CCSER2: variants seen among roughly 807,000 people sequenced by gnomAD.
The protein encoded by CCSER2 is coiled-coil serine rich protein 2, also known as serine-rich coiled-coil domain-containing protein 2.
In CCSER2, 46 loss-of-function variants were observed where a neutral mutation model predicts 92.3. That is an observed-to-expected ratio of 0.50 (90% confidence interval 0.39 to 0.64). The LOEUF (loss-of-function observed/expected upper bound fraction) is 0.64. Ranked by LOEUF, CCSER2 falls within the 30% of genes least tolerant of loss-of-function variation. CCSER2 has a pLI of 0.00. For missense variants in CCSER2, 1,244 were observed against 1,238.9 expected (o/e 1.00, Z -0.06); for synonymous variants, 433 against 431.4 (o/e 1.00, Z -0.04).
chr10:84,372,238 G>T lies in CCSER2; in HGVS notation c.1186G>T (p.Asp396Tyr), dbSNP rs1427110225. The change falls in exon 2 of 10, where the codon GAC (aspartate) becomes TAC (tyrosine). Residue 396 changes from aspartate to tyrosine, a missense_variant. By Grantham distance (160) the Asp-to-Tyr change is radical (BLOSUM62 -3). Coordinates refer to ENST00000372088, the MANE Select transcript of CCSER2 (RefSeq NM_001284240.2). ...GAGATACCTGAGTGATGATGTGGAT[G>T]ACATTTCCTTGTCGTCTTTGTCATC... ...KMRYLSDDVDDISLSSLSSSD... is the reference protein window; with the variant it reads ...KMRYLSDDVDYISLSSLSSSD... 2.5e-6 allele frequency: 4 copies of T among 1,613,260 alleles called. No individual in the cohort carries two copies. Among genetic ancestry groups the T allele is most frequent in the South Asian group, 2.2e-5 (2 of 91,004 alleles).
chr10:84,506,839 T>C (rs1268718376), intron 9 of CCSER2, among the ~76,000 whole-genome samples: 4 of 126,116 alleles, frequency 3.2e-5, no homozygotes, highest in Admixed American at 1.6e-4. Context: ...CTAACACTTA[T>C]TTAATCTTAT....
At chr10:84,500,293 T>C (rs957780124) in intron 9 of CCSER2, among the ~76,000 whole-genome samples, 2 of 152,238 alleles carry the variant, frequency 1.3e-5, no homozygotes, top group Non-Finnish European at 2.9e-5. Flanking sequence ...TGTTGTGTTA[T>C]CTAATTGTTT....
intron 3 of CCSER2, among the ~76,000 whole-genome samples, chr10:84,382,969 G>C (rs1183649882): frequency 6.6e-6 from 1 of 152,174 alleles, no homozygotes; most frequent in Non-Finnish European, 1.5e-5. Context: ...ACTAAGAGGA[G>C]AGCTGGCTAG....
At chr10:84,398,423 T>C (rs574750677) in intron 3 of CCSER2, among the ~76,000 whole-genome samples, 55 of 152,320 alleles carry the variant, frequency 3.6e-4, no homozygotes, top group Non-Finnish European at 6.2e-4. Flanking sequence ...ATCAGGAAAA[T>C]TATTTCATTT....
At chr10:84,510,246 ATTCTTCCC>A (rs1849281976) in intron 9 of CCSER2, among the ~76,000 whole-genome samples, 1 of 152,156 alleles carries the variant, frequency 6.6e-6, no homozygotes. Context: ...TACACAGAAT[ATTCTTCCC>A]TTCTTGTTTA....
chr10:84,411,571 T>A (rs911311971), intron 3 of CCSER2, among the ~76,000 whole-genome samples: 1 of 152,192 alleles, frequency 6.6e-6, no homozygotes, highest in African/African-American at 2.4e-5. Flanking sequence ...TTTGTGGCAG[T>A]TATGAATGGG....
Position 84,464,000 on chromosome 10 carries a change from G to A in CCSER2, c.2132G>A (p.Gly711Asp), listed in dbSNP as rs769050957. Residue 711 changes from glycine to aspartate, a missense_variant, in exon 7 of 10, where the codon GGT (glycine) becomes GAT (aspartate). Coordinates refer to ENST00000372088, the MANE Select transcript of CCSER2 (RefSeq NM_001284240.2). ...SLPSSPEPED[G>D]DKVYKNEDLL... ...CCATCCAGTCCAGAACCAGAAGATG[G>A]TGATAAAGTATATAAGGTATGACTA... 3 of 1,604,854 alleles carry A rather than the reference G, an allele frequency of 1.9e-6. No homozygotes were observed. Among genetic ancestry groups the A allele is most frequent in the Non-Finnish European group, 2.6e-6 (3 of 1,172,274 alleles).
Position 84,446,969 on chromosome 10 carries a change from A to G in CCSER2, c.2064+8262A>G, listed in dbSNP as rs78378751. Among the ~76,000 whole-genome samples the G allele has an allele frequency of 1.3e-3, 198 of 150,610 alleles. 1 individual carries two copies. In the East Asian group the frequency reaches 0.037, roughly 28 times the overall value. On this transcript the variant is annotated intron_variant, in intron 6 of 9. Coordinates refer to ENST00000372088, the MANE Select transcript of CCSER2 (RefSeq NM_001284240.2). Reference sequence around the variant, plus strand: ...CATTTCTCTATTGGTGCTCCAATCTATGAACGAAACATAATATCTTTGTCT... The same window carrying G: ...CATTTCTCTATTGGTGCTCCAATCTGTGAACGAAACATAATATCTTTGTCT...
intron 3 of CCSER2, among the ~76,000 whole-genome samples, chr10:84,413,921 G>A (rs144632925): frequency 4.6e-5 from 7 of 152,058 alleles, no homozygotes; most frequent in African/African-American, 1.7e-4. Flanking sequence ...TGTCTTTTTT[G>A]ATCTTTGTTG....
At chr10:84,488,405 C>T (rs1286463844) in intron 9 of CCSER2, among the ~76,000 whole-genome samples, 1 of 152,160 alleles carries the variant, frequency 6.6e-6, no homozygotes, top group Non-Finnish European at 1.5e-5. Flanking sequence ...TTAATTATTG[C>T]CTCAATTTCA....
intron 9 of CCSER2, among the ~76,000 whole-genome samples, chr10:84,488,408 C>A (rs1356048998): frequency 1.3e-5 from 2 of 152,184 alleles, no homozygotes; most frequent in African/African-American, 2.4e-5. Context: ...ATTATTGCCT[C>A]AATTTCAGAG....
chr10:84,442,933 T>A (rs1564668930), intron 6 of CCSER2, among the ~76,000 whole-genome samples: 1 of 152,178 alleles, frequency 6.6e-6, no homozygotes, highest in Non-Finnish European at 1.5e-5. Context: ...TTGGGAAAAC[T>A]GGCTAGCCAT....
intron 3 of CCSER2, chr10:84,391,815 C>A (rs1051253382): frequency 6.4e-7 from 1 of 1,563,976 alleles, no homozygotes; most frequent in African/African-American, 1.4e-5. Context: ...ATTCAGCATT[C>A]CGTGGAATTT....
At chr10:84,348,490 T>TGGGGAGAGGAAG (rs1554831324) in intron 1 of CCSER2, among the ~76,000 whole-genome samples, 5 of 151,340 alleles carry the variant, frequency 3.3e-5, no homozygotes, top group African/African-American at 1.2e-4. Context: ...AGGGAGACCG[T>TGGGGAGAGGAAG]GGGGAGAGGA....
At chr10:84,342,862 G>A (rs983689031) in intron 1 of CCSER2, among the ~76,000 whole-genome samples, 1 of 152,022 alleles carries the variant, frequency 6.6e-6, no homozygotes, top group African/African-American at 2.4e-5. Context: ...CCAAAGCATC[G>A]TTCTCCTGTT....
At chr10:84,366,825 C>CT (rs1191867351) in intron 1 of CCSER2, among the ~76,000 whole-genome samples, 5 of 152,082 alleles carry the variant, frequency 3.3e-5, no homozygotes, top group African/African-American at 9.7e-5. Flanking sequence ...CAGATCTTTG[C>CT]TTTAAGAAGA....
rs192776102 is a variant in CCSER2, at chr10:84,453,015, T to C, written c.2065-10918T>C. Among the ~76,000 whole-genome samples, 517 of 152,290 alleles carry C rather than the reference T, an allele frequency of 3.4e-3. 5 individuals are homozygous for C. The highest frequency in any genetic ancestry group is 0.012 in the African/African-American group (490 of 41,564). ...TTGTGCTTTAATGGAAATAATAGCT[T>C]TTTTATCTTTTTGATCTCCTAAAAT... On this transcript the variant is annotated intron_variant, in intron 6 of 9. Transcript: ENST00000372088.
At chr10:84,483,374 C>T (rs1589782725) in intron 9 of CCSER2, among the ~76,000 whole-genome samples, 1 of 134,530 alleles carries the variant, frequency 7.4e-6, no homozygotes, top group African/African-American at 2.8e-5. Flanking sequence ...GCCTGGGCAG[C>T]AAGAATGAAA....
intron 1 of CCSER2, among the ~76,000 whole-genome samples, chr10:84,349,034 C>T (rs1016965573): frequency 1.3e-5 from 2 of 152,112 alleles, no homozygotes; most frequent in African/African-American, 4.8e-5. Context: ...ATAGTTTAAT[C>T]TACCATTTGT....
Sources: allele counts gnomAD v4.1 joint callset (sites outside exome capture counted in the v4.1 genomes callset), GRCh38; gene constraint gnomAD v4.1.1; transcripts MANE v1.5; gene names NCBI Gene and HGNC (gene_info 2026-07-23, HGNC 2026-07-21).